The following MAP3K13 variants were observed in gnomAD, a reference collection of about 807,000 sequenced individuals.
The protein encoded by MAP3K13 is leucine zipper-bearing kinase.
MAP3K13 carries 52 observed loss-of-function variants against 104.0 expected under a neutral mutation model. The ratio of observed to expected loss-of-function variants is 0.50; its 90% CI spans 0.40 to 0.63. The LOEUF (loss-of-function observed/expected upper bound fraction) is 0.63. MAP3K13 is among the 20% of genes least tolerant of loss of function. The pLI is 0.00. For missense variants in MAP3K13, 914 were observed against 1,218.5 expected (o/e 0.75, Z 3.72); for synonymous variants, 394 against 442.2 (o/e 0.89, Z 1.37).
At chr3:185,406,550 C>G (rs1236662182) in intron 1 of MAP3K13, among the ~76,000 whole-genome samples, 1 of 152,110 alleles carries the variant, frequency 6.6e-6, no homozygotes, top group Non-Finnish European at 1.5e-5. Context: ...GCCAAGCATG[C>G]CTTCTAATTT....
intron 2 of MAP3K13, among the ~76,000 whole-genome samples, chr3:185,303,204 C>G (rs1258358439): frequency 2.6e-5 from 4 of 152,102 alleles, no homozygotes; most frequent in Non-Finnish European, 5.9e-5. Flanking sequence ...AATGTATAAT[C>G]CCTTTAATAT....
chr3:185,429,128 A>G, intron 2 of MAP3K13, 72 bp downstream of exon 2: 3 of 1,430,782 alleles, frequency 2.1e-6, no homozygotes, highest in Non-Finnish European at 2.9e-6. Context: ...CACCACCATT[A>G]GCTGGATAAC....
intron 1 of MAP3K13, among the ~76,000 whole-genome samples, chr3:185,424,288 C>G (rs1714294091): frequency 6.6e-6 from 1 of 152,102 alleles, no homozygotes; most frequent in Non-Finnish European, 1.5e-5. Context: ...AAACTTAGAT[C>G]AAATGATCAC....
intron 2 of MAP3K13, among the ~76,000 whole-genome samples, chr3:185,432,163 C>T (rs1164487811): frequency 6.7e-6 from 1 of 148,628 alleles, no homozygotes; most frequent in Non-Finnish European, 1.5e-5. Context: ...TTCCACAATC[C>T]AGAGATAACC....
intron 1 of MAP3K13, among the ~76,000 whole-genome samples, chr3:185,395,788 G>A (rs1285256262): frequency 1.3e-5 from 2 of 150,216 alleles, no homozygotes; most frequent in South Asian, 2.1e-4. Flanking sequence ...AGGTTCAAGC[G>A]ATTCTCCTGC....
chr3:185,286,499 A>T (rs2108667186), intron 2 of MAP3K13, among the ~76,000 whole-genome samples: 1 of 152,242 alleles, frequency 6.6e-6, no homozygotes, highest in Non-Finnish European at 1.5e-5. Context: ...TGAAATTAAA[A>T]AAAAAAAAAA....
intron 7 of MAP3K13, among the ~76,000 whole-genome samples, chr3:185,461,728 A>G (rs1717117160): frequency 1.3e-5 from 2 of 151,774 alleles, no homozygotes; most frequent in Non-Finnish European, 2.9e-5. Context: ...ACACCCAGCT[A>G]ATTTTTGTAT....
intron 2 of MAP3K13, among the ~76,000 whole-genome samples, chr3:185,337,195 G>A (rs11715840): frequency 0.67 from 101,705 of 152,092 alleles, 35,656 homozygotes; most frequent in Middle Eastern, 0.79. Context: ...GTAAGCCATC[G>A]CAGCCGGCCT....
intron 1 of MAP3K13, among the ~76,000 whole-genome samples, chr3:185,420,232 A>G (rs544905434): frequency 1.1e-3 from 164 of 151,900 alleles, no homozygotes; most frequent in African/African-American, 3.9e-3. Flanking sequence ...TAGGCGTTTC[A>G]GGAGATGGTC....
chr3:185,454,582 T>C (rs1406785736), intron 7 of MAP3K13, among the ~76,000 whole-genome samples: 9 of 113,402 alleles, frequency 7.9e-5, no homozygotes, highest in African/African-American at 2.5e-4. Context: ...ATGATATATA[T>C]ATGATATATA....
At chr3:185,404,690 C>T (rs1244197562) in intron 1 of MAP3K13, among the ~76,000 whole-genome samples, 12 of 152,132 alleles carry the variant, frequency 7.9e-5, no homozygotes, top group African/African-American at 2.9e-4. Context: ...GATTCTCCTG[C>T]CTCAACCTCC....
chr3:185,379,367 A>G (rs1333392344), intron 1 of MAP3K13, among the ~76,000 whole-genome samples: 1 of 152,178 alleles, frequency 6.6e-6, no homozygotes, highest in Non-Finnish European at 1.5e-5. Context: ...AAGAGAAGGG[A>G]GAGATTGAAG....
intron 1 of MAP3K13, among the ~76,000 whole-genome samples, chr3:185,415,427 G>A (rs1713694639): frequency 6.6e-6 from 1 of 151,948 alleles, no homozygotes; most frequent in African/African-American, 2.4e-5. Flanking sequence ...CAAAGTGCTG[G>A]GATTACAGGT....
chr3:185,400,079 C>T (rs541124139), intron 1 of MAP3K13, among the ~76,000 whole-genome samples: 16 of 152,302 alleles, frequency 1.1e-4, no homozygotes, highest in African/African-American at 3.8e-4. Context: ...CAAATCGAAT[C>T]ATGTCACCTC....
chr3:185,475,307 G>T (rs1205364479), intron 11 of MAP3K13, among the ~76,000 whole-genome samples: 1 of 152,136 alleles, frequency 6.6e-6, no homozygotes, highest in African/African-American at 2.4e-5. Context: ...CAAAAAATAA[G>T]ATTATGTATG....
intron 2 of MAP3K13, among the ~76,000 whole-genome samples, chr3:185,307,613 G>A (rs1392929889): frequency 2.3e-5 from 3 of 130,764 alleles, no homozygotes; most frequent in African/African-American, 8.9e-5. Flanking sequence ...GTGTGATCTC[G>A]GCTCCCTGCA....
In MAP3K13 at chr3:185,397,840, T is replaced by C. The variant is rs114359646; in HGVS notation, c.-85-30657T>C. ...TTTTTATATTCCTGTCAGGCGTTGGTTCCCGGCCTGTCAGTGGCCGTGTGG... is the reference window on the plus strand; with the variant it reads ...TTTTTATATTCCTGTCAGGCGTTGGCTCCCGGCCTGTCAGTGGCCGTGTGG... On this transcript the variant is annotated intron_variant, in intron 1 of 13. Coordinates refer to ENST00000265026, the MANE Select transcript of MAP3K13 (RefSeq NM_004721.5). 7.9e-3 allele frequency among the ~76,000 whole-genome samples: 1,205 copies of C among 152,266 alleles called. 11 individuals carry two copies. Among genetic ancestry groups the C allele is most frequent in the Middle Eastern group, 0.014 (4 of 294 alleles).
At chr3:185,330,593 A>G (rs946281540) in intron 2 of MAP3K13, among the ~76,000 whole-genome samples, 5 of 152,052 alleles carry the variant, frequency 3.3e-5, no homozygotes, top group African/African-American at 1.2e-4. Context: ...TGTCCTGGGA[A>G]AGAAGCCAGT....
chr3:185,375,347 G>GA (rs1479032298), intron 1 of MAP3K13, among the ~76,000 whole-genome samples: 12 of 152,008 alleles, frequency 7.9e-5, no homozygotes, highest in African/African-American at 2.9e-4. Flanking sequence ...GGAAGGGAGG[G>GA]GGCCTGAGAA....
Sources: gnomAD v4.1 joint callset for allele counts (sites outside exome capture counted in the v4.1 genomes callset) on GRCh38, gnomAD v4.1.1 for gene constraint, MANE v1.5 for transcripts, NCBI Gene and HGNC (gene_info 2026-07-23, HGNC 2026-07-21) for gene names.